Variants in RFX3 observed in about 807,000 individuals in gnomAD.
The protein encoded by RFX3 is transcription factor RFX3.
RFX3 carries 14 observed loss-of-function variants against 98.6 expected under a neutral mutation model. The ratio of observed to expected loss-of-function variants is 0.14; its 90% CI spans 0.09 to 0.22. The LOEUF (loss-of-function observed/expected upper bound fraction) is 0.22. Among genes scored for constraint, RFX3 ranks in the 10% least tolerant of loss-of-function variants. RFX3 has a pLI of 1.00. For synonymous variants in RFX3, 383 were observed against 328.4 expected, an observed-to-expected ratio of 1.17 and a Z score of -1.80; for missense variants, 639 against 926.9, an observed-to-expected ratio of 0.69 and a Z score of 4.03.
At chr9:3,328,770 A>C (rs1025948651) in intron 4 of RFX3, among the ~76,000 whole-genome samples, 2 of 152,242 alleles carry the variant, frequency 1.3e-5, no homozygotes, top group South Asian at 4.1e-4. Context: ...TACCAAGCAC[A>C]TATAATATCC....
chr9:3,380,647 G>A (rs1239332931), intron 2 of RFX3, among the ~76,000 whole-genome samples: 1 of 152,004 alleles, frequency 6.6e-6, no homozygotes, highest in African/African-American at 2.4e-5. Context: ...ATATTTTACA[G>A]CAATATTATT....
chr9:3,353,254 G>C (rs928305794), intron 2 of RFX3, among the ~76,000 whole-genome samples: 2 of 151,288 alleles, frequency 1.3e-5, no homozygotes, highest in African/African-American at 4.9e-5. Context: ...GCTAAATGAC[G>C]AGTTAATGGG....
intron 16 of RFX3, 126 bp from the exon 17 acceptor site, chr9:3,225,406 CAA>C: frequency 7.2e-7 from 1 of 1,394,188 alleles, no homozygotes; most frequent in Non-Finnish European, 9.5e-7. Context: ...TCTCAGGAAA[CAA>C]AGCTTAGAGG....
At chr9:3,275,743 T>C (rs896072408) in intron 8 of RFX3, 131 bp from the exon 9 acceptor site, 2 of 533,900 alleles carry the variant, frequency 3.7e-6, no homozygotes, top group Non-Finnish European at 3.4e-6. Context: ...AGCAAGGACA[T>C]TTTATATTAA....
At chr9:3,373,162 T>C (rs979188315) in intron 2 of RFX3, among the ~76,000 whole-genome samples, 3 of 152,316 alleles carry the variant, frequency 2.0e-5, no homozygotes, top group African/African-American at 7.2e-5. Flanking sequence ...TGAGGCTTTA[T>C]AGATACTCTG....
intron 1 of RFX3, among the ~76,000 whole-genome samples, chr9:3,465,784 G>C (rs559783591): frequency 6.6e-6 from 1 of 152,162 alleles, no homozygotes; most frequent in East Asian, 1.9e-4. Context: ...AGAGCAGTGA[G>C]TGGTAAAGAT....
chr9:3,352,516 C>T (rs1249672606), intron 2 of RFX3, among the ~76,000 whole-genome samples: 1 of 152,026 alleles, frequency 6.6e-6, no homozygotes, highest in Non-Finnish European at 1.5e-5. Context: ...GGTCTTACCA[C>T]TATGGCTGAT....
chr9:3,496,246 C>T (rs575719456), intron 1 of RFX3, among the ~76,000 whole-genome samples: 2 of 152,020 alleles, frequency 1.3e-5, no homozygotes, highest in Admixed American at 1.3e-4. Flanking sequence ...AAATTTTACT[C>T]CTTGTGCAAA....
chr9:3,304,614 T>C (rs551820015), intron 4 of RFX3, among the ~76,000 whole-genome samples: 2 of 152,048 alleles, frequency 1.3e-5, no homozygotes, highest in East Asian at 1.9e-4. Context: ...ACTGTTCTTG[T>C]GGTAGTGAGT....
intron 15 of RFX3, among the ~76,000 whole-genome samples, chr9:3,245,630 T>C (rs1820558011): frequency 6.6e-6 from 1 of 152,158 alleles, no homozygotes; most frequent in South Asian, 2.1e-4. Context: ...TATAATCAAC[T>C]GGGAGGATCG....
chr9:3,233,639 G>A (rs964430268), intron 15 of RFX3, among the ~76,000 whole-genome samples: 1 of 152,186 alleles, frequency 6.6e-6, no homozygotes, highest in African/African-American at 2.4e-5. Flanking sequence ...CCTGCTGGAA[G>A]AGTTTACCCC....
At position 3,504,931 on chromosome 9, in the gene RFX3, ATAT is replaced by A. The variant is rs1172022972; in HGVS notation, c.-9+20813_-9+20815del. On this transcript the variant is annotated intron_variant, in intron 1 of 16. Coordinates refer to ENST00000617270, the MANE Select transcript of RFX3 (RefSeq NM_001282116.2). ...ATATATATAATATAACATATATTAT[ATAT>A]AATATATATAATATAATATATATTA... Among the ~76,000 whole-genome samples, 20 of 67,446 alleles carry A rather than the reference ATAT, an allele frequency of 3.0e-4. 1 individual carries two copies. The highest frequency in any genetic ancestry group is 3.8e-4 in the Non-Finnish European group (16 of 42,344). The allele number at this position is 67,446 out of a possible 152,430, so 44.2% of individuals were successfully genotyped here.
At chr9:3,470,732 C>G (rs1587785797) in intron 1 of RFX3, among the ~76,000 whole-genome samples, 1 of 152,100 alleles carries the variant, frequency 6.6e-6, no homozygotes, top group African/African-American at 2.4e-5. Flanking sequence ...GAGACAGTTG[C>G]TATCCTTTAC....
Position 3,470,407 on chromosome 9 carries a change from C to T in RFX3, c.-9+55340G>A, listed in dbSNP as rs147462742. ...TTGACTCACTACAAGCTCCGCCTAC[C>T]GGGTTCACGCCATTCTCCTGCCTTA... On this transcript the variant is annotated intron_variant, in intron 1 of 16. Transcript: ENST00000617270. Among the ~76,000 whole-genome samples the T allele has an allele frequency of 8.7e-4, 132 of 151,698 alleles. 1 individual carries two copies. The South Asian group carries it at 0.022, about 25-fold the overall frequency.
chr9:3,499,668 A>T (rs555958118), intron 1 of RFX3, among the ~76,000 whole-genome samples: 19 of 152,090 alleles, frequency 1.2e-4, no homozygotes, highest in Non-Finnish European at 2.6e-4. Flanking sequence ...TAGAAACTGT[A>T]CTAATTTGTA....
chr9:3,330,369 C>A lies in RFX3; in HGVS notation c.364G>T (p.Val122Phe). ...MVGTGGIQMG[V>F]TGGQLISSSG... ...CTGCTGATGAGTTGTCCTCCTGTGA[C>A]GCCCATCTGAATCCCACCAGTGCCC... The change falls in exon 4 of 17, where the codon GTC becomes TTC. Residue 122 changes from valine to phenylalanine, a missense_variant. Coordinates refer to ENST00000617270, the MANE Select transcript of RFX3 (RefSeq NM_001282116.2). 1 of 1,614,132 alleles carries A rather than the reference C, an allele frequency of 6.2e-7. No individual in the cohort carries two copies. Among genetic ancestry groups the A allele is most frequent in the East Asian group, 2.2e-5 (1 of 44,870 alleles).
At chr9:3,361,615 A>G (rs1836457305) in intron 2 of RFX3, among the ~76,000 whole-genome samples, 1 of 147,338 alleles carries the variant, frequency 6.8e-6, no homozygotes, top group African/African-American at 2.5e-5. Flanking sequence ...TGAGCCCAGG[A>G]GGTCAAGACC....
intron 4 of RFX3, among the ~76,000 whole-genome samples, chr9:3,330,021 C>T (rs1467807064): frequency 1.3e-5 from 2 of 152,100 alleles, no homozygotes; most frequent in Admixed American, 6.6e-5. Flanking sequence ...GAGTAAAACT[C>T]ACCTTTCTAA....
At position 3,334,107 on chromosome 9, in the gene RFX3, C is replaced by T. The variant is rs73381858; in HGVS notation, c.216-3590G>A. 2.2e-3 allele frequency among the ~76,000 whole-genome samples: 342 copies of T among 152,218 alleles called. 2 individuals carry two copies. The highest frequency in any genetic ancestry group is 7.0e-3 in the African/African-American group (291 of 41,556). ...CAACCATTATGTCAAAAAAAAAGAA[C>T]ATAACTTTTTATATCTGTCAATGAT... On this transcript the variant is annotated intron_variant, in intron 3 of 16. Coordinates refer to ENST00000617270, the MANE Select transcript of RFX3 (RefSeq NM_001282116.2).
Sources: allele counts gnomAD v4.1 joint callset (sites outside exome capture counted in the v4.1 genomes callset), GRCh38; gene constraint gnomAD v4.1.1; transcripts MANE v1.5; gene names NCBI Gene and HGNC (gene_info 2026-07-23, HGNC 2026-07-21).